PRKAR1A: variants seen among roughly 807,000 people sequenced by gnomAD.
The protein encoded by PRKAR1A is protein kinase cAMP-dependent type I regulatory subunit alpha, also known as cAMP-dependent protein kinase type I-alpha regulatory subunit.
PRKAR1A carries 3 observed loss-of-function variants against 52.0 expected under a neutral mutation model. That is an observed-to-expected ratio of 0.06 (90% CI 0.03 to 0.15). The LOEUF (loss-of-function observed/expected upper bound fraction) is 0.15. Ranked by LOEUF, PRKAR1A falls within the 10% of genes least tolerant of loss-of-function variation. The pLI, the probability that PRKAR1A is intolerant of heterozygous loss-of-function variation, is 1.00. For missense variants in PRKAR1A, 240 were observed against 477.4 expected, an observed-to-expected ratio of 0.50 and a Z score of 4.63; for synonymous variants, 188 against 168.4, an observed-to-expected ratio of 1.12 and a Z score of -0.90.
chr17:68,443,275 T>C, the PRKAR1A span, among the ~76,000 whole-genome samples: 1 of 152,150 alleles, frequency 6.6e-6, no homozygotes, highest in Non-Finnish European at 1.5e-5. Context: ...CATGCTCAGC[T>C]AATTTTTGTA....
At position 68,543,842 on chromosome 17, in the gene PRKAR1A, A is replaced by G. The variant is rs141815890; in HGVS notation, c.974-7242A>G. On this transcript the variant is annotated intron_variant, in intron 11 of 11. Coordinates refer to the PRKAR1A transcript ENST00000585981. ...GCTTTTATGCTTTTCATGTACACAC[A>G]GGCGATGGCACGGCAAGTCAGGAAT... 1.0e-3 allele frequency: 849 copies of G among 847,394 alleles called. 1 individual carries two copies. The highest frequency in any genetic ancestry group is 1.4e-3 in the Non-Finnish European group (694 of 508,172). 52.5% of individuals were successfully genotyped at this position (847,394 alleles called of 1,614,324 possible).
the PRKAR1A span, among the ~76,000 whole-genome samples, chr17:68,463,492 T>C: frequency 6.6e-6 from 1 of 152,118 alleles, no homozygotes; most frequent in African/African-American, 2.4e-5. Context: ...CTGTCCAAAA[T>C]AAATAAAAAC....
intron 3 of PRKAR1A, among the ~76,000 whole-genome samples, 189 bp downstream of exon 3, chr17:68,523,115 A>G (rs1329732084): frequency 4.6e-5 from 7 of 152,234 alleles, no homozygotes; most frequent in African/African-American, 1.7e-4. Context: ...AATAGTGATT[A>G]TGAACTAGTG....
the PRKAR1A span, among the ~76,000 whole-genome samples, chr17:68,445,944 G>A: frequency 0.11 from 16,216 of 152,122 alleles, 949 homozygotes; most frequent in South Asian, 0.21. Context: ...GTTTTTAGAC[G>A]AATACCAGGT....
chr17:68,525,098 T>A (rs1297828255), intron 6 of PRKAR1A, 140 bp downstream of exon 6: 1 of 718,816 alleles, frequency 1.4e-6, no homozygotes, highest in East Asian at 2.5e-5. Flanking sequence ...GCCAAGTATT[T>A]TTATGACACA....
chr17:68,531,368 T>C lies in PRKAR1A; in HGVS notation c.*919T>C. 1 of 1,065,860 alleles carries C rather than the reference T, an allele frequency of 9.4e-7. No individual in the cohort carries two copies. Among genetic ancestry groups the C allele is most frequent in the Non-Finnish European group, 1.1e-6 (1 of 879,526 alleles). 66.0% of individuals were successfully genotyped at this position (1,065,860 alleles called of 1,614,324 possible). A position where few individuals can be genotyped will look rare whatever the true frequency, so the allele number is the denominator to read the frequency against. On this transcript the variant is annotated 3_prime_UTR_variant, in exon 11 of 11. Transcript: ENST00000589228. ...CTGACTCCAGTATAATCTCCTCTGC[T>C]CATTAAACTGATTCCAGGAGATTGG...
chr17:68,540,958 C>T (rs1436506287), intron 11 of PRKAR1A: 2 of 1,582,630 alleles, frequency 1.3e-6, no homozygotes, highest in Admixed American at 3.6e-5. Flanking sequence ...TGACCTCCCA[C>T]CTGAGGGGGA....
At chr17:68,539,611 G>A (rs1424098503) in intron 11 of PRKAR1A, among the ~76,000 whole-genome samples, 2 of 152,234 alleles carry the variant, frequency 1.3e-5, no homozygotes, top group African/African-American at 4.8e-5. Context: ...TTCACTAGCT[G>A]CAGAGGGCCA....
chr17:68,538,279 T>C (rs2086153924), downstream of PRKAR1A, among the ~76,000 whole-genome samples: 1 of 152,234 alleles, frequency 6.6e-6, no homozygotes, highest in Non-Finnish European at 1.5e-5. Flanking sequence ...GACTCTGATG[T>C]GTAAGCAGCT....
chr17:68,539,054 GGTGGATAGCT>G (rs1277383581), intron 11 of PRKAR1A, among the ~76,000 whole-genome samples: 1 of 152,166 alleles, frequency 6.6e-6, no homozygotes, highest in Middle Eastern at 3.2e-3. Context: ...ACAACACAGT[GGTGGATAGCT>G]GTGTATATAA....
At chr17:68,514,269 A>G (rs930617016) in intron 1 of PRKAR1A, among the ~76,000 whole-genome samples, 7 of 152,216 alleles carry the variant, frequency 4.6e-5, no homozygotes, top group South Asian at 2.1e-4. Context: ...AATTCTTTCT[A>G]TAAGTTCTTT....
Position 68,533,139 on chromosome 17 carries a change from A to T in PRKAR1A, c.*2690A>T. The T allele has an allele frequency of 1.9e-6, 2 of 1,060,424 alleles. No individual in the cohort carries two copies. The highest frequency in any genetic ancestry group is 2.3e-6 in the Non-Finnish European group (2 of 875,104). The allele number at this position is 1,060,424 out of a possible 1,614,324, so 65.7% of individuals were successfully genotyped here. ...TCTTTGGTTTAAATTTAATATATAC[A>T]TTTAATGTTACTTAGGGATACTTTT... On this transcript the variant is annotated 3_prime_UTR_variant, in exon 11 of 11. Transcript: ENST00000589228.
the PRKAR1A span, chr17:68,433,654 A>C: frequency 8.3e-7 from 1 of 1,200,204 alleles, no homozygotes; most frequent in Non-Finnish European, 1.2e-6. Flanking sequence ...TCAGCTTTAT[A>C]AGAAAATCAG....
At chr17:68,478,606 A>ATG in the PRKAR1A span, among the ~76,000 whole-genome samples, 2 of 118,550 alleles carry the variant, frequency 1.7e-5, no homozygotes, top group Non-Finnish European at 3.8e-5. Context: ...CCATTTAGAA[A>ATG]TATGTGTGTG....
chr17:68,509,065 A>G (rs138532263), upstream of PRKAR1A, among the ~76,000 whole-genome samples: 92 of 152,284 alleles, frequency 6.0e-4, no homozygotes, highest in African/African-American at 2.1e-3. Context: ...ATGGACCACC[A>G]AAGTATTCCT....
intron 9 of PRKAR1A, among the ~76,000 whole-genome samples, chr17:68,529,285 A>T (rs1234669527): frequency 6.6e-6 from 1 of 152,232 alleles, no homozygotes; most frequent in Admixed American, 6.5e-5. Context: ...AACTGTGATG[A>T]TTCTGCACTA....
At chr17:68,421,455 G>C in the PRKAR1A span, 1 of 346,094 alleles carries the variant, frequency 2.9e-6, no homozygotes, top group Non-Finnish European at 5.4e-6. Context: ...TTTTTACACG[G>C]CATATATTTA....
the PRKAR1A span, chr17:68,450,893 T>A: frequency 3.7e-6 from 6 of 1,611,542 alleles, no homozygotes; most frequent in Non-Finnish European, 5.1e-6. Context: ...CGTCCGGGAT[T>A]TCATCTGGGA....
At chr17:68,465,625 A>ATTTTTTTTTTTTTTTTTTTTTTTC in the PRKAR1A span, among the ~76,000 whole-genome samples, 1 of 67,186 alleles carries the variant, frequency 1.5e-5, no homozygotes, top group Non-Finnish European at 2.8e-5. Context: ...ACGCCCAGCA[A>ATTTTTTTTTTTTTTTTTTTTTTTC]TTTTTTTTTT....
Sources: allele counts gnomAD v4.1 joint callset (sites outside exome capture counted in the v4.1 genomes callset), GRCh38; gene constraint gnomAD v4.1.1; transcripts MANE v1.5; gene names NCBI Gene and HGNC (gene_info 2026-07-23, HGNC 2026-07-21).